CSMD3: variants seen among roughly 807,000 people sequenced by gnomAD.
CSMD3 encodes the protein CUB and Sushi multiple domains 3.
In CSMD3, 177 loss-of-function variants were observed where a neutral mutation model predicts 435.2. The ratio of observed to expected loss-of-function variants is 0.41; its 90% CI spans 0.36 to 0.46. The LOEUF is 0.46. Among genes scored for constraint, CSMD3 ranks in the 20% least tolerant of loss-of-function variants. The probability of loss-of-function intolerance (pLI) is 0.34; values close to 1 mark genes in which losing one functional copy is unlikely to be tolerated. For synonymous variants in CSMD3, 1,656 were observed against 1,520.5 expected (o/e 1.09, Z -2.07); for missense variants, 4,265 against 4,504.6 (o/e 0.95, Z 1.52).
chr8:113,307,301 T>C (rs2093829268), intron 2 of CSMD3, among the ~76,000 whole-genome samples: 1 of 152,148 alleles, frequency 6.6e-6, no homozygotes, highest in South Asian at 2.1e-4. Flanking sequence ...AGTTGTTATT[T>C]CTAGGATTCC....
intron 5 of CSMD3, among the ~76,000 whole-genome samples, chr8:113,049,378 C>T (rs1342956674): frequency 1.3e-5 from 2 of 150,976 alleles, no homozygotes; most frequent in African/African-American, 4.9e-5. Context: ...AAGTTGCACT[C>T]TTTGATTTTC....
At chr8:112,649,639 G>A (rs2075071976) in intron 19 of CSMD3, among the ~76,000 whole-genome samples, 1 of 152,222 alleles carries the variant, frequency 6.6e-6, no homozygotes, top group South Asian at 2.1e-4. Context: ...TATTCTCATA[G>A]AAACAAAGAA....
chr8:112,815,757 A>G (rs904367850), intron 12 of CSMD3, among the ~76,000 whole-genome samples: 2 of 152,180 alleles, frequency 1.3e-5, no homozygotes, highest in African/African-American at 4.8e-5. Flanking sequence ...CAGGGAAATC[A>G]TCAGTTTTTT....
intron 3 of CSMD3, among the ~76,000 whole-genome samples, chr8:113,263,228 G>T (rs2093441351): frequency 6.6e-6 from 1 of 151,832 alleles, no homozygotes; most frequent in South Asian, 2.1e-4. Context: ...TGCCTTCAAA[G>T]ATGACAGGCA....
chr8:113,034,463 C>T lies in CSMD3; in HGVS notation c.918-15284G>A, dbSNP rs111258957. On this transcript the variant is annotated intron_variant, in intron 5 of 70. Transcript: ENST00000297405. Reference sequence around the variant, plus strand: ...ATTATATGATTCTATTTATATAGAACAATCAGAATAGGCAACAATAAAGGC... The same window carrying T: ...ATTATATGATTCTATTTATATAGAATAATCAGAATAGGCAACAATAAAGGC... Among the ~76,000 whole-genome samples the T allele has an allele frequency of 3.7e-3, 540 of 145,606 alleles. 4 individuals are homozygous for T. Among genetic ancestry groups the T allele is most frequent in the African/African-American group, 0.012 (503 of 40,922 alleles).
chr8:112,234,166 A>G (rs2129937262), intron 68 of CSMD3, among the ~76,000 whole-genome samples, 199 bp downstream of exon 68: 1 of 151,852 alleles, frequency 6.6e-6, no homozygotes, highest in African/African-American at 2.4e-5. Flanking sequence ...ACACACACAC[A>G]CACGACAAAA....
At chr8:112,603,031 C>T (rs1262492129) in intron 22 of CSMD3, among the ~76,000 whole-genome samples, 1 of 152,166 alleles carries the variant, frequency 6.6e-6, no homozygotes, top group African/African-American at 2.4e-5. Flanking sequence ...GAGCATGCCA[C>T]CATGGCAGGC....
chr8:112,443,395 G>T (rs1815255665), intron 32 of CSMD3, among the ~76,000 whole-genome samples: 1 of 152,116 alleles, frequency 6.6e-6, no homozygotes, highest in Non-Finnish European at 1.5e-5. Context: ...TGAGAAATAT[G>T]AATTTTTATA....
chr8:112,588,528 G>A (rs1338229982), intron 22 of CSMD3, among the ~76,000 whole-genome samples: 1 of 151,632 alleles, frequency 6.6e-6, no homozygotes, highest in Non-Finnish European at 1.5e-5. Context: ...ACTTAAGCAT[G>A]TTCAAAAAAT....
At chr8:112,285,639 GAAC>G (rs1819114475) in intron 58 of CSMD3, among the ~76,000 whole-genome samples, 1 of 151,994 alleles carries the variant, frequency 6.6e-6, no homozygotes, top group Non-Finnish European at 1.5e-5. Flanking sequence ...ATCACAAAAA[GAAC>G]AATTAAGGTC....
chr8:112,332,393 A>T (rs1824153222), intron 45 of CSMD3, among the ~76,000 whole-genome samples: 1 of 152,168 alleles, frequency 6.6e-6, no homozygotes, highest in Non-Finnish European at 1.5e-5. Flanking sequence ...GATGAAGATG[A>T]GATTTAAGAA....
intron 10 of CSMD3, among the ~76,000 whole-genome samples, chr8:112,879,792 C>A (rs916525407): frequency 6.6e-6 from 1 of 152,004 alleles, no homozygotes; most frequent in African/African-American, 2.4e-5. Context: ...AAGCTGGAAA[C>A]CATCACTCTC....
At chr8:113,078,650 A>G (rs773414948) in intron 5 of CSMD3, among the ~76,000 whole-genome samples, 34 of 152,196 alleles carry the variant, frequency 2.2e-4, no homozygotes, top group Non-Finnish European at 4.0e-4. Flanking sequence ...GAACACCCAC[A>G]TGAGCTTTTA....
chr8:112,984,404 A>C (rs2085170291), intron 6 of CSMD3, among the ~76,000 whole-genome samples: 1 of 152,068 alleles, frequency 6.6e-6, no homozygotes, highest in African/African-American at 2.4e-5. Flanking sequence ...AGTTTTACTA[A>C]GGCAACAGAT....
At position 112,343,007 on chromosome 8, in the gene CSMD3, ATATATATATT is replaced by A. The variant is rs1825314041; in HGVS notation, c.6443-1331_6443-1322del. ...TATATTTATATATATATATTTATATATATATATATTTATATATATATATATAGTTTAAATA... is the reference window on the plus strand; with the variant it reads ...TATATTTATATATATATATTTATATATATATATATATATATAGTTTAAATA... On this transcript the variant is annotated intron_variant, in intron 41 of 70. Transcript: ENST00000297405. 1.5e-4 allele frequency among the ~76,000 whole-genome samples: 14 copies of A among 94,728 alleles called. 2 individuals are homozygous for A. The highest frequency in any genetic ancestry group is 3.0e-4 in the African/African-American group (10 of 33,316). 62.1% of individuals were successfully genotyped at this position (94,728 alleles called of 152,430 possible).
chr8:112,910,557 T>G (rs992314990), intron 10 of CSMD3, among the ~76,000 whole-genome samples: 1 of 151,856 alleles, frequency 6.6e-6, no homozygotes, highest in Non-Finnish European at 1.5e-5. Flanking sequence ...CTATCCCCTC[T>G]ATTCTGAATC....
intron 22 of CSMD3, among the ~76,000 whole-genome samples, chr8:112,610,109 A>G (rs1460094103): frequency 6.6e-6 from 1 of 152,112 alleles, no homozygotes; most frequent in Non-Finnish European, 1.5e-5. Context: ...CATGATTACT[A>G]TAGTTAATAG....
intron 5 of CSMD3, among the ~76,000 whole-genome samples, chr8:113,094,342 C>T (rs979896): frequency 0.67 from 102,197 of 152,030 alleles, 35,961 homozygotes; most frequent in East Asian, 0.95. Context: ...TCTTCTTCTG[C>T]CTCACCCTTT....
intron 35 of CSMD3, among the ~76,000 whole-genome samples, chr8:112,397,946 T>C (rs1045535735): frequency 3.9e-5 from 6 of 152,244 alleles, no homozygotes; most frequent in Admixed American, 3.3e-4. Context: ...AAATATCATG[T>C]CAATCACATA....
Sources: gnomAD v4.1 joint callset for allele counts (sites outside exome capture counted in the v4.1 genomes callset) on GRCh38, gnomAD v4.1.1 for gene constraint, MANE v1.5 for transcripts, NCBI Gene and HGNC (gene_info 2026-07-23, HGNC 2026-07-21) for gene names.